The following CCDC192 variants were observed in gnomAD, a reference collection of about 807,000 sequenced individuals.
The protein encoded by CCDC192 is coiled-coil domain containing 192.
At chr5:127,760,963 CA>C (rs111530288) in intron 3 of CCDC192, among the ~76,000 whole-genome samples, 8,929 of 151,948 alleles carry the variant, frequency 0.059, 577 homozygotes, top group East Asian at 0.27. Context: ...TGTATGTTGT[CA>C]GAATGAACAA....
At chr5:127,901,996 CATGGT>C (rs1208908483) in intron 6 of CCDC192, among the ~76,000 whole-genome samples, 1 of 152,194 alleles carries the variant, frequency 6.6e-6, no homozygotes, top group African/African-American at 2.4e-5. Flanking sequence ...ACAGGCCAGA[CATGGT>C]GGCTCACGCC....
At chr5:127,924,897 T>C (rs1753822736) in intron 6 of CCDC192, among the ~76,000 whole-genome samples, 1 of 152,134 alleles carries the variant, frequency 6.6e-6, no homozygotes, top group African/African-American at 2.4e-5. Context: ...TTTATCCCCC[T>C]CTTTACTCCT....
At chr5:127,773,883 T>G (rs1050993736) in intron 3 of CCDC192, among the ~76,000 whole-genome samples, 4 of 152,220 alleles carry the variant, frequency 2.6e-5, no homozygotes, top group Admixed American at 2.6e-4. Flanking sequence ...TTACCAGCAA[T>G]GTACAAGGGC....
intron 6 of CCDC192, among the ~76,000 whole-genome samples, chr5:127,876,844 T>C (rs1456113278): frequency 6.6e-6 from 1 of 152,192 alleles, no homozygotes; most frequent in Non-Finnish European, 1.5e-5. Flanking sequence ...CAATTTCGTA[T>C]AGTGCTTTCC....
At chr5:127,769,999 C>T (rs1052090922) in intron 3 of CCDC192, among the ~76,000 whole-genome samples, 2 of 152,082 alleles carry the variant, frequency 1.3e-5, no homozygotes, top group African/African-American at 4.8e-5. Context: ...GGCAAAGAGC[C>T]AATGGTAGAG....
chr5:127,761,176 G>A (rs1754907965), intron 3 of CCDC192, among the ~76,000 whole-genome samples: 1 of 152,114 alleles, frequency 6.6e-6, no homozygotes, highest in Non-Finnish European at 1.5e-5. Context: ...TAGTTTCTTT[G>A]CTGTTTTTTC....
intron 1 of CCDC192, among the ~76,000 whole-genome samples, chr5:127,704,406 T>C (rs1441559981): frequency 6.6e-6 from 1 of 152,252 alleles, no homozygotes; most frequent in Admixed American, 6.5e-5. Flanking sequence ...CAGGCTGGTC[T>C]TGAGCTCCTG....
intron 2 of CCDC192, among the ~76,000 whole-genome samples, chr5:127,751,929 C>T (rs1172409235): frequency 1.3e-5 from 2 of 152,094 alleles, no homozygotes; most frequent in Non-Finnish European, 2.9e-5. Flanking sequence ...CTTCTGCATT[C>T]TTCACGTAGT....
At chr5:127,911,496 C>T (rs916869116) in intron 6 of CCDC192, among the ~76,000 whole-genome samples, 14 of 152,074 alleles carry the variant, frequency 9.2e-5, no homozygotes, top group Non-Finnish European at 1.6e-4. Flanking sequence ...GCTGAAAAAG[C>T]ATGTATTATA....
chr5:127,709,202 G>GAGA (rs1751168365), intron 2 of CCDC192, among the ~76,000 whole-genome samples: 4 of 85,764 alleles, frequency 4.7e-5, no homozygotes, highest in African/African-American at 1.4e-4. Context: ...GGAGAGAGGG[G>GAGA]GAGAGAGAGA....
intron 3 of CCDC192, among the ~76,000 whole-genome samples, chr5:127,765,330 AC>A (rs1755159467): frequency 6.6e-6 from 1 of 152,210 alleles, no homozygotes. Flanking sequence ...AAAATGTAAA[AC>A]AATACCACTT....
intron 6 of CCDC192, among the ~76,000 whole-genome samples, chr5:127,895,707 G>C (rs781164825): frequency 6.6e-6 from 1 of 152,002 alleles, no homozygotes; most frequent in African/African-American, 2.4e-5. Context: ...AGGCACGGTG[G>C]TGCACACCTG....
At chr5:127,738,351 G>T (rs1171069879) in intron 2 of CCDC192, among the ~76,000 whole-genome samples, 4 of 124,088 alleles carry the variant, frequency 3.2e-5, no homozygotes, top group Non-Finnish European at 5.0e-5. Flanking sequence ...TTTCTCTCTG[G>T]CTGCCCTTAA....
At chr5:127,773,670 C>G (rs2126916443) in intron 3 of CCDC192, among the ~76,000 whole-genome samples, 1 of 152,224 alleles carries the variant, frequency 6.6e-6, no homozygotes, top group East Asian at 1.9e-4. Flanking sequence ...TTTGTTTATC[C>G]ACTCATCTGT....
At chr5:127,879,191 A>G (rs1198202947) in intron 6 of CCDC192, among the ~76,000 whole-genome samples, 1 of 152,076 alleles carries the variant, frequency 6.6e-6, no homozygotes, top group Non-Finnish European at 1.5e-5. Flanking sequence ...AAACTATACT[A>G]CAAGGCTACA....
intron 6 of CCDC192, among the ~76,000 whole-genome samples, chr5:127,899,860 A>C (rs1178775499): frequency 2.0e-5 from 3 of 152,234 alleles, no homozygotes; most frequent in Non-Finnish European, 4.4e-5. Context: ...ACAAGGGGAC[A>C]CAGGTCCTGA....
At chr5:127,786,627 C>T in intron 3 of CCDC192, 1 of 756,966 alleles carries the variant, frequency 1.3e-6, no homozygotes. Flanking sequence ...CCAGTGTCTA[C>T]TGAGGTAGGC....
At chr5:127,733,951 G>C (rs1011244396) in intron 2 of CCDC192, among the ~76,000 whole-genome samples, 1 of 145,178 alleles carries the variant, frequency 6.9e-6, no homozygotes, top group East Asian at 2.0e-4. Context: ...TATACTTTAA[G>C]TTTTAGGGTA....
intron 2 of CCDC192, among the ~76,000 whole-genome samples, chr5:127,743,445 A>G (rs1753542368): frequency 6.6e-6 from 1 of 152,144 alleles, no homozygotes; most frequent in Non-Finnish European, 1.5e-5. Context: ...TTCTTCATTT[A>G]AAGATGAAAA....
Sources: gnomAD v4.1 joint callset for allele counts (sites outside exome capture counted in the v4.1 genomes callset) on GRCh38, gnomAD v4.1.1 for gene constraint, MANE v1.5 for transcripts, NCBI Gene and HGNC (gene_info 2026-07-23, HGNC 2026-07-21) for gene names.